Variants in PSD3 observed in about 807,000 individuals in gnomAD.
PSD3 encodes PH and SEC7 domain-containing protein 3.
PSD3 carries 49 observed loss-of-function variants against 105.5 expected under a neutral mutation model. That is an observed-to-expected ratio of 0.46 (90% confidence interval 0.37 to 0.59). PSD3 has a LOEUF of 0.59. Ranked by LOEUF, PSD3 falls within the 20% of genes least tolerant of loss-of-function variation. The pLI, the probability that PSD3 is intolerant of heterozygous loss-of-function variation, is 0.00. For synonymous variants in PSD3, 557 were observed against 457.8 expected, an observed-to-expected ratio of 1.22 and a Z score of -2.77; for missense variants, 1,561 against 1,263.8, an observed-to-expected ratio of 1.24 and a Z score of -3.57.
In PSD3 at chr8:18,636,925, C is replaced by T. The variant is rs147079489; in HGVS notation, c.2217-4119G>A. 4.3e-3 allele frequency among the ~76,000 whole-genome samples: 653 copies of T among 152,300 alleles called. 4 individuals are homozygous for T. Among genetic ancestry groups the T allele is most frequent in the African/African-American group, 0.015 (603 of 41,568 alleles). On this transcript the variant is annotated intron_variant, in intron 10 of 15. Coordinates refer to ENST00000327040, the MANE Select transcript of PSD3 (RefSeq NM_015310.4). ...ATGACTGTATATATAAGTACACTCA[C>T]GTGTATACACACATCTATATTTGTG...
intron 1 of PSD3, among the ~76,000 whole-genome samples, chr8:19,030,037 C>T (rs1178439575): frequency 5.9e-5 from 9 of 152,154 alleles, no homozygotes; most frequent in Non-Finnish European, 1.3e-4. Context: ...TAAGAACAGA[C>T]ATCCTTGCTT....
intron 12 of PSD3, among the ~76,000 whole-genome samples, chr8:18,599,819 G>C (rs1424966710): frequency 6.6e-6 from 1 of 152,098 alleles, no homozygotes; most frequent in Non-Finnish European, 1.5e-5. Context: ...GCGTCCTGGA[G>C]CCAATCTGTT....
Position 18,801,516 on chromosome 8 carries a change from C to A in PSD3, c.1911-134G>T, listed in dbSNP as rs73202104. 8.7e-3 allele frequency: 4,829 copies of A among 554,788 alleles called. 70 individuals are homozygous for A. The highest frequency in any genetic ancestry group is 0.043 in the Admixed American group (1,204 of 27,952). The allele number at this position is 554,788 out of a possible 1,614,324, so 34.4% of individuals were successfully genotyped here. On this transcript the variant is annotated intron_variant, in intron 6 of 15. Coordinates refer to ENST00000327040, the MANE Select transcript of PSD3 (RefSeq NM_015310.4). ...AAGATATTATGAAGTTATCTCCCCCCAAAAAAATCATTTACTAGACAGCCA... is the reference window on the plus strand; with the variant it reads ...AAGATATTATGAAGTTATCTCCCCCAAAAAAAATCATTTACTAGACAGCCA...
chr8:19,075,523 C>A (rs78662243), intron 1 of PSD3, among the ~76,000 whole-genome samples: 6,635 of 152,266 alleles, frequency 0.044, 180 homozygotes, highest in African/African-American at 0.078. Flanking sequence ...CAGGAGAAGT[C>A]CAAAACTCAA....
At chr8:19,058,735 C>A (rs773973882) in intron 1 of PSD3, among the ~76,000 whole-genome samples, 17 of 152,238 alleles carry the variant, frequency 1.1e-4, no homozygotes, top group Non-Finnish European at 2.2e-4. Flanking sequence ...GAGAACAGTG[C>A]CAGCTCCTTA....
intron 8 of PSD3, among the ~76,000 whole-genome samples, chr8:18,791,177 T>C (rs926510090): frequency 1.3e-5 from 2 of 152,138 alleles, no homozygotes; most frequent in African/African-American, 4.8e-5. Context: ...GATTCAATGC[T>C]ATCCCCATTA....
At chr8:19,046,215 G>T (rs990080216) in intron 1 of PSD3, among the ~76,000 whole-genome samples, 1 of 151,842 alleles carries the variant, frequency 6.6e-6, no homozygotes, top group African/African-American at 2.4e-5. Flanking sequence ...AGGTTCAAGC[G>T]ATTCTTCTGC....
chr8:18,889,442 C>T (rs552204676), intron 2 of PSD3, among the ~76,000 whole-genome samples: 1 of 152,086 alleles, frequency 6.6e-6, no homozygotes, highest in East Asian at 1.9e-4. Flanking sequence ...GGTAATATTC[C>T]CCCATCCTAA....
intron 1 of PSD3, among the ~76,000 whole-genome samples, chr8:19,034,320 T>C (rs968922196): frequency 4.3e-4 from 66 of 152,318 alleles, no homozygotes; most frequent in African/African-American, 1.5e-3. Context: ...AGGATTAAAC[T>C]AGACGTCCTT....
At chr8:18,863,700 T>C (rs1816622362) in intron 4 of PSD3, among the ~76,000 whole-genome samples, 1 of 152,070 alleles carries the variant, frequency 6.6e-6, no homozygotes, top group African/African-American at 2.4e-5. Context: ...TTACACAGAG[T>C]GAGCCGCTTG....
At chr8:18,606,282 C>T (rs1804822684) in intron 11 of PSD3, among the ~76,000 whole-genome samples, 2 of 152,086 alleles carry the variant, frequency 1.3e-5, no homozygotes, top group African/African-American at 4.8e-5. Flanking sequence ...TACTTGTGTG[C>T]TAAATGCTGT....
At chr8:18,930,663 G>A (rs1014270839) in intron 2 of PSD3, among the ~76,000 whole-genome samples, 7 of 150,116 alleles carry the variant, frequency 4.7e-5, no homozygotes, top group African/African-American at 7.4e-5. Context: ...CCCACCTCCC[G>A]GCTTCAACCG....
chr8:18,748,849 TCA>T (rs1805243824), intron 9 of PSD3, among the ~76,000 whole-genome samples: 1 of 152,144 alleles, frequency 6.6e-6, no homozygotes, highest in African/African-American at 2.4e-5. Flanking sequence ...CTCAGAATGG[TCA>T]CAGAGGTAAG....
chr8:18,651,788 T>C (rs879353917), intron 10 of PSD3, among the ~76,000 whole-genome samples: 2 of 152,176 alleles, frequency 1.3e-5, no homozygotes, highest in Non-Finnish European at 2.9e-5. Context: ...TGATAGGCTT[T>C]GAACATAAAA....
chr8:18,585,542 C>T (rs1016048191), intron 12 of PSD3, among the ~76,000 whole-genome samples: 1 of 151,942 alleles, frequency 6.6e-6, no homozygotes, highest in Non-Finnish European at 1.5e-5. Context: ...GGTCTTGAAC[C>T]CTTGGGCTTA....
intron 10 of PSD3, among the ~76,000 whole-genome samples, chr8:18,647,710 C>T (rs559142613): frequency 2.5e-4 from 38 of 151,106 alleles, no homozygotes; most frequent in East Asian, 1.4e-3. Flanking sequence ...TCTGTGTCCC[C>T]GCTCAAATTT....
At chr8:18,539,624 T>C (rs1034581844) in intron 15 of PSD3, among the ~76,000 whole-genome samples, 2 of 150,428 alleles carry the variant, frequency 1.3e-5, no homozygotes, top group Non-Finnish European at 3.0e-5. Context: ...CTCGGCTCAC[T>C]GCAACCTCTG....
chr8:19,058,876 A>C (rs1288261908), intron 1 of PSD3, among the ~76,000 whole-genome samples: 6 of 152,208 alleles, frequency 3.9e-5, no homozygotes, highest in African/African-American at 1.2e-4. Flanking sequence ...TTGGAAATCA[A>C]GGCAAATATT....
chr8:19,050,700 G>A (rs894295516), intron 1 of PSD3, among the ~76,000 whole-genome samples: 1 of 152,156 alleles, frequency 6.6e-6, no homozygotes, highest in African/African-American at 2.4e-5. Context: ...GTGGTGGGAA[G>A]GGGGAGGGAT....
Sources: gnomAD v4.1 joint callset for allele counts (sites outside exome capture counted in the v4.1 genomes callset) on GRCh38, gnomAD v4.1.1 for gene constraint, MANE v1.5 for transcripts, NCBI Gene and HGNC (gene_info 2026-07-23, HGNC 2026-07-21) for gene names.